CNTNAP2: variants seen among roughly 807,000 people sequenced by gnomAD.
CNTNAP2 encodes contactin-associated protein-like 2.
A neutral mutation model predicts 155.2 loss-of-function variants in CNTNAP2; 98 were observed. The observed-to-expected ratio is 0.63, with a 90% CI of 0.54 to 0.75. CNTNAP2 has a LOEUF of 0.75. Ranked by LOEUF, CNTNAP2 falls within the 30% of genes least tolerant of loss-of-function variation. The pLI, the probability that CNTNAP2 is intolerant of heterozygous loss-of-function variation, is 0.00. For synonymous variants in CNTNAP2, 651 were observed against 631.2 expected, an observed-to-expected ratio of 1.03 and a Z score of -0.47; for missense variants, 1,727 against 1,688.1, an observed-to-expected ratio of 1.02 and a Z score of -0.40.
Position 148,309,618 on chromosome 7 carries a change from A to C in CNTNAP2, c.3475+42492A>C, listed in dbSNP as rs557568638. 3.9e-5 allele frequency among the ~76,000 whole-genome samples: 6 copies of C among 152,298 alleles called. No homozygotes were observed. In the South Asian group the frequency reaches 1.2e-3, roughly 32 times the overall value. ...TTCGCTGGTGGCAGGAGTGGGGGTC[A>C]CAGGGTGCTCAGTAGGGGAGCTTTT... On this transcript the variant is annotated intron_variant, in intron 21 of 23. Transcript: ENST00000361727.
intron 15 of CNTNAP2, among the ~76,000 whole-genome samples, chr7:148,001,217 A>G (rs537464541): frequency 3.3e-5 from 5 of 152,342 alleles, no homozygotes; most frequent in South Asian, 2.1e-4. Context: ...GCCAAGAAAC[A>G]TCTACCTAGT....
chr7:148,051,844 T>C (rs1802894257), intron 15 of CNTNAP2, among the ~76,000 whole-genome samples: 1 of 152,282 alleles, frequency 6.6e-6, no homozygotes, highest in Admixed American at 6.5e-5. Flanking sequence ...CTCTAAATTT[T>C]AAAAAGCCCT....
intron 20 of CNTNAP2, among the ~76,000 whole-genome samples, chr7:148,253,178 T>C (rs1239052026): frequency 6.6e-6 from 1 of 152,168 alleles, no homozygotes; most frequent in African/African-American, 2.4e-5. Flanking sequence ...CCATTTACCT[T>C]CTATTGTCTT....
intron 23 of CNTNAP2, among the ~76,000 whole-genome samples, chr7:148,412,312 C>T (rs1041949839): frequency 1.7e-4 from 26 of 152,312 alleles, no homozygotes; most frequent in African/African-American, 5.8e-4. Flanking sequence ...CGGTGGCGCA[C>T]GCCTGTAATC....
At chr7:148,039,619 C>T (rs1393412498) in intron 15 of CNTNAP2, among the ~76,000 whole-genome samples, 11 of 152,206 alleles carry the variant, frequency 7.2e-5, no homozygotes, top group African/African-American at 2.7e-4. Context: ...GTTTTCCAAT[C>T]CTCCATCGCA....
intron 1 of CNTNAP2, among the ~76,000 whole-genome samples, chr7:146,147,012 T>G (rs1797967182): frequency 6.6e-6 from 1 of 152,194 alleles, no homozygotes; most frequent in Non-Finnish European, 1.5e-5. Flanking sequence ...AATAACTGTC[T>G]TTAAAAGAAA....
At chr7:146,174,034 A>C (rs189515962) in intron 1 of CNTNAP2, among the ~76,000 whole-genome samples, 93 of 152,066 alleles carry the variant, frequency 6.1e-4, no homozygotes, top group Non-Finnish European at 1.2e-3. Context: ...GTGATACCCT[A>C]TCTCTACAAA....
intron 2 of CNTNAP2, among the ~76,000 whole-genome samples, chr7:146,804,431 G>A (rs1311751828): frequency 6.6e-6 from 1 of 152,142 alleles, no homozygotes; most frequent in African/African-American, 2.4e-5. Flanking sequence ...GGGAGGATGT[G>A]TAAAATCCAA....
intron 2 of CNTNAP2, among the ~76,000 whole-genome samples, chr7:146,826,703 G>T (rs1803407186): frequency 6.6e-6 from 1 of 152,048 alleles, no homozygotes; most frequent in Admixed American, 6.6e-5. Flanking sequence ...TCCTTTCCTA[G>T]TGTGGTCCAC....
chr7:147,304,553 A>C (rs1182492457), intron 9 of CNTNAP2, among the ~76,000 whole-genome samples: 3 of 152,076 alleles, frequency 2.0e-5, no homozygotes, highest in Admixed American at 2.0e-4. Flanking sequence ...TGAAGAGGAG[A>C]GATAAGAAGC....
intron 1 of CNTNAP2, among the ~76,000 whole-genome samples, chr7:146,442,559 CTG>C (rs966629252): frequency 1.8e-3 from 268 of 151,846 alleles, no homozygotes; most frequent in African/African-American, 6.4e-3. Context: ...GTCAAAAACT[CTG>C]TGTTGAATTG....
chr7:147,204,969 T>C (rs1049759609), intron 8 of CNTNAP2, among the ~76,000 whole-genome samples: 2 of 152,170 alleles, frequency 1.3e-5, no homozygotes, highest in Non-Finnish European at 2.9e-5. Flanking sequence ...GGTGCTCTAT[T>C]CTGTTCCATT....
At chr7:147,302,392 G>C (rs1344213449) in intron 9 of CNTNAP2, among the ~76,000 whole-genome samples, 2 of 152,176 alleles carry the variant, frequency 1.3e-5, no homozygotes, top group East Asian at 3.8e-4. Context: ...GGTCTTTATG[G>C]TGTGCTATTT....
chr7:146,816,683 G>T (rs1355814282), intron 2 of CNTNAP2, among the ~76,000 whole-genome samples: 1 of 152,142 alleles, frequency 6.6e-6, no homozygotes, highest in African/African-American at 2.4e-5. Flanking sequence ...AGGATAGACT[G>T]CTTGCTATAC....
At chr7:146,746,420 C>T (rs1007054451) in intron 1 of CNTNAP2, among the ~76,000 whole-genome samples, 2 of 151,914 alleles carry the variant, frequency 1.3e-5, no homozygotes, top group African/African-American at 2.4e-5. Flanking sequence ...CAAACAAGAT[C>T]AGGAGAAAAT....
rs576416675 is a variant in CNTNAP2, at chr7:146,629,762, G to A, written c.98-144509G>A. Among the ~76,000 whole-genome samples, 312 of 152,214 alleles carry A rather than the reference G, an allele frequency of 2.0e-3. 1 individual carries two copies. The highest frequency in any genetic ancestry group is 3.3e-3 in the Non-Finnish European group (223 of 68,002). On this transcript the variant is annotated intron_variant, in intron 1 of 23. Transcript: ENST00000361727. ...ATCCCAAAACTTTATGGCACACTGT[G>A]CATGAGTAATAACAACAAGAAGAAA...
chr7:146,308,346 G>A (rs1415636776), intron 1 of CNTNAP2, among the ~76,000 whole-genome samples: 2 of 151,998 alleles, frequency 1.3e-5, no homozygotes, highest in Admixed American at 6.5e-5. Flanking sequence ...TGGAGAGGAT[G>A]TGGAGAAATA....
At chr7:146,538,585 G>A (rs951393294) in intron 1 of CNTNAP2, among the ~76,000 whole-genome samples, 1 of 152,016 alleles carries the variant, frequency 6.6e-6, no homozygotes, top group African/African-American at 2.4e-5. Context: ...ATGTGGCTGG[G>A]TGGGGACAAA....
chr7:146,715,452 T>C (rs937845027), intron 1 of CNTNAP2, among the ~76,000 whole-genome samples: 1 of 152,198 alleles, frequency 6.6e-6, no homozygotes, highest in Non-Finnish European at 1.5e-5. Flanking sequence ...TTATCTATTG[T>C]CCAGCATTAT....
Sources: allele counts gnomAD v4.1 joint callset (sites outside exome capture counted in the v4.1 genomes callset), GRCh38; gene constraint gnomAD v4.1.1; transcripts MANE v1.5; gene names NCBI Gene and HGNC (gene_info 2026-07-23, HGNC 2026-07-21).